PDE8B: variants seen among roughly 807,000 people sequenced by gnomAD.
PDE8B encodes high affinity cAMP-specific and IBMX-insensitive 3',5'-cyclic phosphodiesterase 8B.
Under a neutral mutation model 101.3 loss-of-function variants are expected in PDE8B, and 26 were observed. The ratio of observed to expected loss-of-function variants is 0.26; its 90% CI spans 0.19 to 0.36. The LOEUF is 0.36. Among genes scored for constraint, PDE8B ranks in the 10% least tolerant of loss-of-function variants. The pLI, the probability that PDE8B is intolerant of heterozygous loss-of-function variation, is 1.00. For missense variants in PDE8B, 810 were observed against 1,163.1 expected, an observed-to-expected ratio of 0.70 and a Z score of 4.42; for synonymous variants, 424 against 429.3, an observed-to-expected ratio of 0.99 and a Z score of 0.15.
intron 7 of PDE8B, among the ~76,000 whole-genome samples, chr5:77,347,580 C>T (rs1780366512): frequency 6.6e-6 from 1 of 152,062 alleles, no homozygotes; most frequent in South Asian, 2.1e-4. Flanking sequence ...CCTGAGTATC[C>T]AAAGATCAAT....
At position 77,344,841 on chromosome 5, in the gene PDE8B, T is replaced by C; in HGVS notation, c.798-12T>C. 1 of 1,560,962 alleles carries C rather than the reference T, an allele frequency of 6.4e-7. No individual in the cohort carries two copies. Among genetic ancestry groups the C allele is most frequent in the Non-Finnish European group, 8.8e-7 (1 of 1,131,496 alleles). On this transcript the variant is annotated splice_polypyrimidine_tract_variant and intron_variant, in intron 6 of 21. Coordinates refer to ENST00000264917, the MANE Select transcript of PDE8B (RefSeq NM_003719.5). ...CATAGAAGAACTAACTTCAATCTTT[T>C]ATAACTTTCAGGGCCTGTAATTCAG...
At chr5:77,188,002 T>C in the PDE8B span, among the ~76,000 whole-genome samples, 1 of 152,218 alleles carries the variant, frequency 6.6e-6, no homozygotes, top group African/African-American at 2.4e-5. Flanking sequence ...AGGCCATGGC[T>C]GATTAAAGAG....
chr5:77,367,663 TG>T (rs1197255279), intron 10 of PDE8B, among the ~76,000 whole-genome samples: 2 of 151,912 alleles, frequency 1.3e-5, no homozygotes, highest in East Asian at 3.9e-4. Flanking sequence ...CCCAAGTAGC[TG>T]GGACTACAGG....
At chr5:77,246,365 G>C (rs1001789312) in intron 1 of PDE8B, among the ~76,000 whole-genome samples, 9 of 152,156 alleles carry the variant, frequency 5.9e-5, no homozygotes, top group Admixed American at 2.0e-4. Flanking sequence ...GCCATCTGAG[G>C]TCAGGAAGAG....
At chr5:77,126,712 A>T in the PDE8B span, among the ~76,000 whole-genome samples, 1 of 152,174 alleles carries the variant, frequency 6.6e-6, no homozygotes, top group Non-Finnish European at 1.5e-5. Context: ...GAGCCACAGC[A>T]CCCGGCCCTA....
rs987856868 is a variant in PDE8B at position 77,211,824 on chromosome 5, G to A, written c.339+560G>A. ...GTGTTTTAAGAGATGTGGGAACGGAGCAGAGTGGAACCTGTTGTTTGTCAC... is the reference window on the plus strand; with the variant it reads ...GTGTTTTAAGAGATGTGGGAACGGAACAGAGTGGAACCTGTTGTTTGTCAC... On this transcript the variant is annotated intron_variant, in intron 1 of 21. Transcript: ENST00000264917. This position sits in a 1 kb window ranked among gnomAD's most constrained non-coding sequence, Gnocchi z 4.1. 6.6e-6 allele frequency among the ~76,000 whole-genome samples: 1 copy of A among 152,330 alleles called. No homozygotes were observed. The highest frequency in any genetic ancestry group is 1.9e-4 in the East Asian group (1 of 5,188).
chr5:77,409,342 A>G (rs930233545), intron 14 of PDE8B, among the ~76,000 whole-genome samples: 2 of 152,174 alleles, frequency 1.3e-5, no homozygotes, highest in African/African-American at 4.8e-5. Flanking sequence ...GGAGGGCTCA[A>G]TGTGCAAGAT....
chr5:77,208,160 C>G (rs1424632021), upstream of PDE8B, among the ~76,000 whole-genome samples: 1 of 152,134 alleles, frequency 6.6e-6, no homozygotes, highest in Non-Finnish European at 1.5e-5. Context: ...TGATTCAGCT[C>G]CTAATGTTCT....
the PDE8B span, among the ~76,000 whole-genome samples, chr5:77,094,307 T>A: frequency 4.6e-5 from 7 of 152,096 alleles, no homozygotes; most frequent in Non-Finnish European, 7.4e-5. Flanking sequence ...GAAAAATGGG[T>A]ACACTTTACA....
chr5:77,234,546 A>T (rs1055673038), intron 1 of PDE8B, among the ~76,000 whole-genome samples: 1 of 152,184 alleles, frequency 6.6e-6, no homozygotes, highest in African/African-American at 2.4e-5. Flanking sequence ...ACAGAATAGA[A>T]CAGGCCGAGG....
intron 2 of PDE8B, among the ~76,000 whole-genome samples, chr5:77,320,813 T>C (rs896038417): frequency 6.6e-6 from 1 of 152,234 alleles, no homozygotes; most frequent in African/African-American, 2.4e-5. Flanking sequence ...TATGAGTTAA[T>C]CATTTATTGA....
chr5:77,419,913 G>C (rs946824588), intron 19 of PDE8B, 26 bp downstream of exon 19: 3 of 1,613,184 alleles, frequency 1.9e-6, no homozygotes, highest in Non-Finnish European at 2.5e-6. Context: ...CATGCCATAA[G>C]GCACATCCAA....
the PDE8B span, among the ~76,000 whole-genome samples, chr5:77,089,799 TTTA>T: frequency 6.6e-6 from 1 of 152,224 alleles, no homozygotes; most frequent in African/African-American, 2.4e-5. Context: ...CCACTGGTTA[TTTA>T]TCCAAAGGAA....
intron 1 of PDE8B, among the ~76,000 whole-genome samples, chr5:77,245,104 C>T (rs1756586064): frequency 6.6e-6 from 1 of 152,110 alleles, no homozygotes; most frequent in South Asian, 2.1e-4. Flanking sequence ...CCAAAAATCT[C>T]CCTCTAGCTC....
At chr5:77,176,186 G>A in the PDE8B span, among the ~76,000 whole-genome samples, 1 of 152,114 alleles carries the variant, frequency 6.6e-6, no homozygotes, top group Non-Finnish European at 1.5e-5. Flanking sequence ...CCAGCCACGC[G>A]AAAGCCACCT....
the PDE8B span, among the ~76,000 whole-genome samples, chr5:77,136,483 C>T: frequency 6.6e-6 from 1 of 152,110 alleles, no homozygotes; most frequent in Non-Finnish European, 1.5e-5. Context: ...GGTCCAAGGA[C>T]ATTTATGAAG....
the PDE8B span, among the ~76,000 whole-genome samples, chr5:77,160,290 A>G: frequency 2.0e-5 from 3 of 152,178 alleles, no homozygotes; most frequent in Admixed American, 2.0e-4. Context: ...ATCTCTCAGC[A>G]TGCATTGGGG....
the PDE8B span, among the ~76,000 whole-genome samples, chr5:77,186,219 T>A: frequency 6.6e-6 from 1 of 152,200 alleles, no homozygotes; most frequent in East Asian, 1.9e-4. Context: ...AGCATGTATT[T>A]GTTAGTATGG....
chr5:77,292,197 G>A (rs1285762769), intron 1 of PDE8B, among the ~76,000 whole-genome samples: 2 of 152,068 alleles, frequency 1.3e-5, no homozygotes, highest in Admixed American at 6.6e-5. Context: ...TTGAGTGTTT[G>A]GTGCTGGGGT....
Sources: gnomAD v4.1 joint callset for allele counts (sites outside exome capture counted in the v4.1 genomes callset) on GRCh38, gnomAD v4.1.1 for gene constraint, Gnocchi (gnomAD v3.1) non-coding constraint, MANE v1.5 for transcripts, NCBI Gene and HGNC (gene_info 2026-07-23, HGNC 2026-07-21) for gene names.